Variants in GATA4 observed in about 807,000 individuals in gnomAD.
GATA4 encodes transcription factor GATA-4.
In GATA4, 7 loss-of-function variants were observed where a neutral mutation model predicts 37.9. The observed-to-expected ratio is 0.18, with a 90% CI of 0.11 to 0.35. GATA4 has a LOEUF of 0.35. GATA4 is among the 10% of genes least tolerant of loss of function. The probability of loss-of-function intolerance (pLI) is 1.00; values close to 1 mark genes in which losing one functional copy is unlikely to be tolerated. For missense variants in GATA4, 647 were observed against 653.0 expected, an observed-to-expected ratio of 0.99 and a Z score of 0.10; for synonymous variants, 372 against 292.6, an observed-to-expected ratio of 1.27 and a Z score of -2.77.
intron 1 of GATA4, among the ~76,000 whole-genome samples, chr8:11,679,220 C>T (rs1010417332): frequency 3.3e-5 from 5 of 149,834 alleles, no homozygotes; most frequent in South Asian, 4.2e-4. Context: ...GATAAAAGAG[C>T]GACACAGGAG....
chr8:11,680,797 C>T (rs1243052584), intron 1 of GATA4: 5 of 985,240 alleles, frequency 5.1e-6, no homozygotes, highest in Non-Finnish European at 6.0e-6. Flanking sequence ...CGCCCCTCGC[C>T]CTGCTCACCC....
At chr8:11,750,893 G>T (rs190873727) in intron 4 of GATA4, among the ~76,000 whole-genome samples, 39 of 151,988 alleles carry the variant, frequency 2.6e-4, no homozygotes, top group African/African-American at 7.7e-4. Flanking sequence ...GCTGCAGTGA[G>T]CTCTGATTGT....
chr8:11,748,407 T>C (rs1174210559), intron 2 of GATA4, among the ~76,000 whole-genome samples: 1 of 151,988 alleles, frequency 6.6e-6, no homozygotes, highest in African/African-American at 2.4e-5. Flanking sequence ...AAGAATAAAA[T>C]AAATACAGTC....
chr8:11,749,164 A>G lies in GATA4; in HGVS notation c.786+79A>G. 1 of 1,466,634 alleles carries G rather than the reference A, an allele frequency of 6.8e-7. No homozygotes were observed. Among genetic ancestry groups the G allele is most frequent in the Non-Finnish European group, 9.4e-7 (1 of 1,065,674 alleles). The allele number at this position is 1,466,634 out of a possible 1,614,324, so 90.9% of individuals were successfully genotyped here. On this transcript the variant is annotated intron_variant, in intron 3 of 6. Transcript: ENST00000532059. This position sits in a 1 kb window ranked among gnomAD's most constrained non-coding sequence, Gnocchi z 4.6. Reference sequence around the variant, plus strand: ...TTGGTGGGACATCCTCTGGTTTTGAATTTTGGAACTTGAGGGTGTGCATCG... The same window carrying G: ...TTGGTGGGACATCCTCTGGTTTTGAGTTTTGGAACTTGAGGGTGTGCATCG...
At chr8:11,740,440 A>G (rs1195007945) in intron 2 of GATA4, among the ~76,000 whole-genome samples, 1 of 152,236 alleles carries the variant, frequency 6.6e-6, no homozygotes, top group Non-Finnish European at 1.5e-5. Flanking sequence ...GGCGGACGGC[A>G]CAAAGAGGAG....
chr8:11,727,702 A>G (rs904367691), intron 2 of GATA4, among the ~76,000 whole-genome samples: 3 of 151,978 alleles, frequency 2.0e-5, no homozygotes, highest in Admixed American at 1.3e-4. Flanking sequence ...AAATTCGCCC[A>G]GTATGGTAGT....
In GATA4 at chr8:11,680,522, G is replaced by C. The variant is rs528525788; in HGVS notation, c.-274+3459G>C. The C allele has an allele frequency of 3.0e-6, 3 of 985,350 alleles. No homozygotes were observed. The African/African-American group carries it at 5.2e-5, about 17-fold the overall frequency. The allele number at this position is 985,350 out of a possible 1,614,324, so 61.0% of individuals were successfully genotyped here. A position where few individuals can be genotyped will look rare whatever the true frequency, so the allele number is the denominator to read the frequency against. On this transcript the variant is annotated intron_variant, in intron 1 of 6. Transcript: ENST00000528712. ...GGCGCCACATGGGCCAGGTCACCTC[G>C]GACGGGTGTCGCGCCGACGTCCTTC...
rs1020538298 is a variant in GATA4 at position 11,748,690 on chromosome 8, A to G, written c.617-226A>G. Among the ~76,000 whole-genome samples, 48 of 152,220 alleles carry G rather than the reference A, an allele frequency of 3.2e-4. 1 individual carries two copies. The highest frequency in any genetic ancestry group is 1.1e-3 in the African/African-American group (45 of 41,532). ...CTCCCAGCCCAGGACGTGGGTGATCACTGCAACTTTTTCCTCTTCTCGTGC... is the reference window on the plus strand; with the variant it reads ...CTCCCAGCCCAGGACGTGGGTGATCGCTGCAACTTTTTCCTCTTCTCGTGC... On this transcript the variant is annotated intron_variant, in intron 2 of 6. Coordinates refer to ENST00000532059, the MANE Select transcript of GATA4 (RefSeq NM_001308093.3).
chr8:11,737,063 G>A (rs776816291), intron 2 of GATA4, among the ~76,000 whole-genome samples: 2 of 152,098 alleles, frequency 1.3e-5, no homozygotes, highest in Non-Finnish European at 2.9e-5. Context: ...GGGTAGCAGG[G>A]TGACTCGGTG....
chr8:11,751,159 A>G (rs1455423160), intron 4 of GATA4, among the ~76,000 whole-genome samples: 1 of 152,190 alleles, frequency 6.6e-6, no homozygotes, highest in Non-Finnish European at 1.5e-5. Context: ...ATACCTAGGG[A>G]AAGTAAAGAC....
At chr8:11,756,708 G>C in intron 5 of GATA4, 1 of 597,964 alleles carries the variant, frequency 1.7e-6, no homozygotes, top group Non-Finnish European at 3.0e-6. Context: ...TTTTTAAAAA[G>C]TTTTGAAGCC....
At chr8:11,742,551 G>A (rs1801799860) in intron 2 of GATA4, among the ~76,000 whole-genome samples, 1 of 152,178 alleles carries the variant, frequency 6.6e-6, no homozygotes, top group Non-Finnish European at 1.5e-5. Flanking sequence ...GGACTCTGTG[G>A]GGTGACTGCA....
intron 2 of GATA4, among the ~76,000 whole-genome samples, chr8:11,728,023 G>A (rs571671496): frequency 1.3e-5 from 2 of 152,116 alleles, no homozygotes; most frequent in African/African-American, 2.4e-5. Context: ...GGAGTTTCAC[G>A]CTTGTTGCCC....
chr8:11,678,025 A>G, intron 1 of GATA4, among the ~76,000 whole-genome samples: 1 of 63,430 alleles, frequency 1.6e-5, no homozygotes, highest in Admixed American at 1.6e-4. Context: ...TAATAATAAT[A>G]ATAATAATAA....
chr8:11,751,970 A>T (rs1397166309), intron 4 of GATA4, among the ~76,000 whole-genome samples: 1 of 152,238 alleles, frequency 6.6e-6, no homozygotes, highest in Non-Finnish European at 1.5e-5. Flanking sequence ...TAACCAGTAC[A>T]TGATGACCTT....
intron 2 of GATA4, among the ~76,000 whole-genome samples, chr8:11,734,382 C>G (rs756218073): frequency 6.6e-6 from 1 of 152,248 alleles, no homozygotes; most frequent in African/African-American, 2.4e-5. Context: ...GATCACGGCA[C>G]TGGCAGATTG....
rs1800028058 is a variant in GATA4 at position 11,708,872 on chromosome 8, C to T, written c.560C>T (p.Pro187Leu). Reference sequence around the variant, plus strand: ...GCCTCCGCCGGCCCCTTCGACAGCCCGGTCCTGCACAGCCTGCCCGGCCGG... The same window carrying T: ...GCCTCCGCCGGCCCCTTCGACAGCCTGGTCCTGCACAGCCTGCCCGGCCGG... ...AAASAGPFDS[P>L]VLHSLPGRAN... is the part of the protein sequence containing the mutation. Residue 187 changes from proline (P) to leucine (L), a missense_variant, in exon 2 of 7, where the codon CCG (proline) becomes CTG (leucine). Around this residue, in one of 5 missense-constraint regions of GATA4, gnomAD observed 379 missense variants for 334.5 expected, o/e 1.13. Coordinates refer to ENST00000532059, the MANE Select transcript of GATA4 (RefSeq NM_001308093.3). The surrounding 1 kb of genome is among the most constrained non-coding windows in gnomAD (Gnocchi z 6.7). 1.3e-6 allele frequency: 2 copies of T among 1,516,854 alleles called. No individual in the cohort carries two copies. The highest frequency in any genetic ancestry group is 8.8e-7 in the Non-Finnish European group (1 of 1,139,494). 94.0% of individuals were successfully genotyped at this position (1,516,854 alleles called of 1,614,324 possible). A position where few individuals can be genotyped will look rare whatever the true frequency, so the allele number is the denominator to read the frequency against.
intron 2 of GATA4, among the ~76,000 whole-genome samples, chr8:11,745,411 C>CG (rs1255245510): frequency 4.7e-4 from 49 of 104,038 alleles, no homozygotes; most frequent in African/African-American, 2.1e-3. Flanking sequence ...TTGTCTCTAC[C>CG]AAAAAAAAAA....
At chr8:11,700,683 T>C (rs1205920887), upstream of GATA4, 1 of 152,256 alleles carries the variant, frequency 6.6e-6, no homozygotes, top group Non-Finnish European at 1.5e-5. Context: ...TCGGCATTCG[T>C]TCTGCGCGGG....
Sources: gnomAD v4.1 joint callset for allele counts (sites outside exome capture counted in the v4.1 genomes callset) on GRCh38, gnomAD v4.1.1 for gene constraint, gnomAD v4.1.1 regional missense constraint, Gnocchi (gnomAD v3.1) non-coding constraint, MANE v1.5 for transcripts, NCBI Gene and HGNC (gene_info 2026-07-23, HGNC 2026-07-21) for gene names.